KCNN2: variants seen among roughly 807,000 people sequenced by gnomAD.
KCNN2 encodes small conductance calcium-activated potassium channel protein 2.
In KCNN2, 24 loss-of-function variants were observed where a neutral mutation model predicts 55.5. The ratio of observed to expected loss-of-function variants is 0.43; its 90% CI spans 0.31 to 0.61. KCNN2 has a LOEUF of 0.61. Ranked by LOEUF, KCNN2 falls within the 20% of genes least tolerant of loss-of-function variation. KCNN2 has a pLI of 0.08. For synonymous variants in KCNN2, 431 were observed against 336.1 expected, an observed-to-expected ratio of 1.28 and a Z score of -3.09; for missense variants, 754 against 853.6, an observed-to-expected ratio of 0.88 and a Z score of 1.45.
chr5:114,404,292 A>T, intron 2 of KCNN2, 146 bp from the exon 3 acceptor site: 1 of 629,920 alleles, frequency 1.6e-6, no homozygotes, highest in Non-Finnish European at 2.8e-6. Context: ...TACTAAAAAT[A>T]GTATACCTGG....
chr5:114,275,235 C>T (rs1755459316), intron 2 of KCNN2, among the ~76,000 whole-genome samples: 2 of 152,186 alleles, frequency 1.3e-5, no homozygotes, highest in South Asian at 4.1e-4. Flanking sequence ...ATCCAGTTTG[C>T]CCGTATTTTA....
chr5:114,059,023 G>C (rs1037407348), intron 1 of KCNN2, among the ~76,000 whole-genome samples: 1 of 152,196 alleles, frequency 6.6e-6, no homozygotes, highest in African/African-American at 2.4e-5. Flanking sequence ...CTGGAGGAAG[G>C]GCATATTTTT....
At chr5:114,418,298 T>C (rs1580811585) in intron 3 of KCNN2, among the ~76,000 whole-genome samples, 1 of 152,222 alleles carries the variant, frequency 6.6e-6, no homozygotes, top group East Asian at 1.9e-4. Context: ...TTACTGAATA[T>C]CTGAAAGACT....
At chr5:114,274,613 C>G (rs1755444698) in intron 2 of KCNN2, among the ~76,000 whole-genome samples, 1 of 152,078 alleles carries the variant, frequency 6.6e-6, no homozygotes, top group Non-Finnish European at 1.5e-5. Context: ...AATGGGAGTT[C>G]ACTCCTGATT....
At chr5:114,478,331 A>T (rs1762064287) in intron 5 of KCNN2, among the ~76,000 whole-genome samples, 2 of 152,186 alleles carry the variant, frequency 1.3e-5, no homozygotes. Flanking sequence ...GGTTTGAACA[A>T]AGCAAAGTTT....
At chr5:114,113,320 A>G (rs77898801) in intron 1 of KCNN2, among the ~76,000 whole-genome samples, 7,105 of 151,984 alleles carry the variant, frequency 0.047, 543 homozygotes, top group African/African-American at 0.16. Context: ...GAGGAGAGTC[A>G]TGAAGTCAGA....
chr5:114,484,249 T>C (rs1020358556), intron 5 of KCNN2, among the ~76,000 whole-genome samples: 1 of 152,080 alleles, frequency 6.6e-6, no homozygotes, highest in Admixed American at 6.6e-5. Flanking sequence ...CAAAAGGGCA[T>C]TCAAGTGTTA....
At chr5:114,127,268 G>A (rs1580536847) in intron 1 of KCNN2, among the ~76,000 whole-genome samples, 1 of 152,106 alleles carries the variant, frequency 6.6e-6, no homozygotes, top group Non-Finnish European at 1.5e-5. Flanking sequence ...CACTGCCCTG[G>A]AAGAGGTTCT....
At chr5:114,312,386 T>TACACACACAC (rs70976336) in intron 2 of KCNN2, among the ~76,000 whole-genome samples, 12 of 51,838 alleles carry the variant, frequency 2.3e-4, no homozygotes, top group African/African-American at 5.4e-4. Context: ...AAAAAGGAGA[T>TACACACACAC]ACACACACAC....
chr5:114,382,714 G>T (rs930060594), intron 2 of KCNN2, among the ~76,000 whole-genome samples: 1 of 152,096 alleles, frequency 6.6e-6, no homozygotes, highest in Non-Finnish European at 1.5e-5. Flanking sequence ...TTTCCCATTT[G>T]TGCCACAAAA....
chr5:114,457,811 C>A (rs528160444), intron 3 of KCNN2, among the ~76,000 whole-genome samples: 1 of 152,302 alleles, frequency 6.6e-6, no homozygotes, highest in African/African-American at 2.4e-5. Flanking sequence ...CTGAGAGATT[C>A]TCTTTAGTCA....
At chr5:114,279,254 T>C (rs1468393551) in intron 2 of KCNN2, among the ~76,000 whole-genome samples, 1 of 152,152 alleles carries the variant, frequency 6.6e-6, no homozygotes, top group Non-Finnish European at 1.5e-5. Flanking sequence ...CTGGCTCCAG[T>C]TACTTTGCAA....
intron 3 of KCNN2, among the ~76,000 whole-genome samples, chr5:114,437,411 A>T (rs1760047001): frequency 2.6e-5 from 4 of 152,098 alleles, no homozygotes; most frequent in Admixed American, 2.6e-4. Flanking sequence ...AATTGAGGTG[A>T]TATTACTGTA....
At chr5:114,397,667 C>T (rs1561606660) in intron 2 of KCNN2, among the ~76,000 whole-genome samples, 1 of 152,180 alleles carries the variant, frequency 6.6e-6, no homozygotes. Context: ...GGATTACAGG[C>T]GTGAGCTACC....
chr5:114,462,990 A>G, intron 3 of KCNN2, 59 bp from the exon 4 acceptor site: 1 of 1,519,560 alleles, frequency 6.6e-7, no homozygotes, highest in Non-Finnish European at 9.0e-7. Context: ...ACCAAACCAC[A>G]CTTAACTATC....
intron 3 of KCNN2, among the ~76,000 whole-genome samples, chr5:114,421,400 C>T (rs1197517636): frequency 3.3e-5 from 5 of 152,044 alleles, no homozygotes; most frequent in Non-Finnish European, 7.4e-5. Flanking sequence ...AAGTGATTCT[C>T]CTGCCTCAGC....
intron 2 of KCNN2, among the ~76,000 whole-genome samples, chr5:114,320,163 G>C (rs10477512): frequency 0.14 from 21,186 of 152,058 alleles, 1,994 homozygotes; most frequent in Non-Finnish European, 0.19. Context: ...TCATATAACT[G>C]ATGTATTAAA....
chr5:114,152,495 C>G (rs1304565623), intron 1 of KCNN2, among the ~76,000 whole-genome samples: 1 of 152,170 alleles, frequency 6.6e-6, no homozygotes, highest in Non-Finnish European at 1.5e-5. Context: ...TAGGTGTGCT[C>G]TTCAATATTT....
intron 1 of KCNN2, among the ~76,000 whole-genome samples, chr5:114,159,505 A>G (rs1752717600): frequency 6.6e-6 from 1 of 152,132 alleles, no homozygotes; most frequent in Non-Finnish European, 1.5e-5. Context: ...TATCAGGATG[A>G]TGCTGGCCTC....
Sources: gnomAD v4.1 joint callset for allele counts (sites outside exome capture counted in the v4.1 genomes callset) on GRCh38, gnomAD v4.1.1 for gene constraint, MANE v1.5 for transcripts, NCBI Gene and HGNC (gene_info 2026-07-23, HGNC 2026-07-21) for gene names.